The following TYW1 variants were observed in gnomAD, a reference collection of about 807,000 sequenced individuals.
TYW1 encodes the protein S-adenosyl-L-methionine-dependent tRNA 4-demethylwyosine synthase TYW1.
A neutral mutation model predicts 96.2 loss-of-function variants in TYW1; 46 were observed. The ratio of observed to expected loss-of-function variants is 0.48; its 90% CI spans 0.38 to 0.61. The LOEUF (loss-of-function observed/expected upper bound fraction) is 0.61. Among genes scored for constraint, TYW1 ranks in the 20% least tolerant of loss-of-function variants. TYW1 has a pLI of 0.00. For missense variants in TYW1, 684 were observed against 909.6 expected, an observed-to-expected ratio of 0.75 and a Z score of 3.19; for synonymous variants, 274 against 323.0, an observed-to-expected ratio of 0.85 and a Z score of 1.63.
intron 15 of TYW1, among the ~76,000 whole-genome samples, chr7:67,226,576 C>T (rs1801565747): frequency 6.6e-6 from 1 of 152,186 alleles, no homozygotes; most frequent in Non-Finnish European, 1.5e-5. Context: ...CCCCAACCCA[C>T]CAAGTTGTCC....
At chr7:67,017,781 C>T in intron 5 of TYW1, 72 bp from the exon 6 acceptor site, 1 of 1,533,234 alleles carries the variant, frequency 6.5e-7, no homozygotes, top group East Asian at 2.3e-5. Flanking sequence ...GGACTTTGGG[C>T]TTTTGCAGAG....
intron 15 of TYW1, among the ~76,000 whole-genome samples, chr7:67,210,320 A>G (rs1800957324): frequency 6.6e-6 from 1 of 152,194 alleles, no homozygotes; most frequent in Non-Finnish European, 1.5e-5. Context: ...TGCCATTTTC[A>G]TCACATCATG....
At chr7:67,153,866 C>A (rs1798880497) in intron 13 of TYW1, among the ~76,000 whole-genome samples, 1 of 151,398 alleles carries the variant, frequency 6.6e-6, no homozygotes, top group African/African-American at 2.4e-5. Context: ...GCAGTTTTAC[C>A]TCAGTGTTTA....
intron 13 of TYW1, among the ~76,000 whole-genome samples, chr7:67,130,663 T>TC (rs1211466660): frequency 2.1e-5 from 3 of 140,048 alleles, no homozygotes; most frequent in African/African-American, 8.2e-5. Flanking sequence ...GACTCTTAAC[T>TC]CAAAAAAAAA....
At chr7:67,231,243 C>T (rs1375959470) in intron 15 of TYW1, among the ~76,000 whole-genome samples, 2 of 152,184 alleles carry the variant, frequency 1.3e-5, no homozygotes, top group Non-Finnish European at 2.9e-5. Context: ...AAATATATTG[C>T]CTCGCAGACT....
chr7:67,168,434 G>A (rs562567635), intron 13 of TYW1, among the ~76,000 whole-genome samples: 188 of 152,208 alleles, frequency 1.2e-3, no homozygotes, highest in African/African-American at 4.3e-3. Flanking sequence ...AATGAGTAAG[G>A]AGAATAGGCC....
intron 15 of TYW1, among the ~76,000 whole-genome samples, chr7:67,209,613 C>T (rs889152468): frequency 6.6e-6 from 1 of 152,118 alleles, no homozygotes; most frequent in Admixed American, 6.5e-5. Context: ...TACTCTGTCA[C>T]CCAGATTGGA....
At chr7:67,099,242 A>C (rs1797015137) in intron 12 of TYW1, among the ~76,000 whole-genome samples, 1 of 151,988 alleles carries the variant, frequency 6.6e-6, no homozygotes, top group Non-Finnish European at 1.5e-5. Flanking sequence ...ATGTTGGCCA[A>C]ACTGGTCTTG....
intron 13 of TYW1, among the ~76,000 whole-genome samples, chr7:67,162,508 G>C (rs891464245): frequency 6.6e-6 from 1 of 151,988 alleles, no homozygotes; most frequent in Non-Finnish European, 1.5e-5. Context: ...GTATAGTTTG[G>C]GGCTGCCCTA....
At chr7:67,002,451 TA>T (rs1488821987) in intron 3 of TYW1, among the ~76,000 whole-genome samples, 1 of 152,178 alleles carries the variant, frequency 6.6e-6, no homozygotes, top group Admixed American at 6.6e-5. Context: ...AGAAGACTAT[TA>T]AAAACTTTTG....
intron 13 of TYW1, among the ~76,000 whole-genome samples, chr7:67,128,701 T>A (rs1459481449): frequency 6.6e-6 from 1 of 151,342 alleles, no homozygotes; most frequent in African/African-American, 2.4e-5. Flanking sequence ...TTTTTTTTTT[T>A]TTTTTTTGAG....
intron 13 of TYW1, among the ~76,000 whole-genome samples, chr7:67,131,683 T>A (rs1294782059): frequency 1.3e-5 from 2 of 152,150 alleles, no homozygotes; most frequent in East Asian, 3.9e-4. Context: ...CAAGGTGAAG[T>A]CCCACAATAG....
chr7:67,184,569 T>A (rs1199270295), intron 14 of TYW1, among the ~76,000 whole-genome samples: 1 of 148,822 alleles, frequency 6.7e-6, no homozygotes, highest in African/African-American at 2.5e-5. Flanking sequence ...TTGACTATTT[T>A]AGGGAAGCTT....
Position 67,188,349 on chromosome 7 carries a change from T to C in TYW1, c.1809+5113T>C, listed in dbSNP as rs530205228. Among the ~76,000 whole-genome samples the C allele has an allele frequency of 2.5e-4, 38 of 151,984 alleles. No individual in the cohort carries two copies. In the South Asian group the frequency reaches 4.6e-3, roughly 18 times the overall value. ...AAAAATTAATAAATAACAACAACAA[T>C]AATAATAATAAGACCTCTCCATAAA... On this transcript the variant is annotated intron_variant, in intron 14 of 15. Transcript: ENST00000359626.
At chr7:67,033,462 T>C (rs1398082925) in intron 7 of TYW1, among the ~76,000 whole-genome samples, 1 of 152,190 alleles carries the variant, frequency 6.6e-6, no homozygotes, top group East Asian at 1.9e-4. Context: ...CAGCCGTACG[T>C]CAATCTGTAA....
At chr7:67,063,219 A>G (rs2115645132) in intron 9 of TYW1, among the ~76,000 whole-genome samples, 1 of 152,360 alleles carries the variant, frequency 6.6e-6, no homozygotes, top group East Asian at 1.9e-4. Flanking sequence ...TTGATTCTGA[A>G]AAAGCATTTG....
chr7:67,084,923 T>C (rs1010699676), intron 11 of TYW1, among the ~76,000 whole-genome samples: 20 of 152,216 alleles, frequency 1.3e-4, no homozygotes, highest in African/African-American at 4.8e-4. Context: ...CTGTAGGTGA[T>C]GAATTGGAAT....
chr7:67,052,784 T>C lies in TYW1; in HGVS notation c.1102+2718T>C, dbSNP rs202228413. Among the ~76,000 whole-genome samples the C allele has an allele frequency of 2.3e-3, 350 of 152,130 alleles. 1 individual carries two copies. Among genetic ancestry groups the C allele is most frequent in the Middle Eastern group, 6.8e-3 (2 of 294 alleles). ...TCTCACTCTGTTGCCCAGGCCGGAG[T>C]GCAGTGGCGTGATCTTGGCTCACTG... On this transcript the variant is annotated intron_variant, in intron 8 of 15. Coordinates refer to ENST00000359626, the MANE Select transcript of TYW1 (RefSeq NM_018264.4).
intron 15 of TYW1, among the ~76,000 whole-genome samples, chr7:67,209,876 T>C (rs552733365): frequency 6.7e-5 from 10 of 150,004 alleles, no homozygotes; most frequent in Non-Finnish European, 1.2e-4. Context: ...TGGCCAATTA[T>C]TTTTTTTTTC....
Sources: allele counts gnomAD v4.1 joint callset (sites outside exome capture counted in the v4.1 genomes callset), GRCh38; gene constraint gnomAD v4.1.1; transcripts MANE v1.5; gene names NCBI Gene and HGNC (gene_info 2026-07-23, HGNC 2026-07-21).